ADAM12: variants seen among roughly 807,000 people sequenced by gnomAD.
ADAM12 encodes the protein disintegrin and metalloproteinase domain-containing protein 12.
In ADAM12, 70 loss-of-function variants were observed where a neutral mutation model predicts 106.4. That is an observed-to-expected ratio of 0.66 (90% confidence interval 0.54 to 0.80). ADAM12 has a LOEUF of 0.80. Ranked by LOEUF, ADAM12 falls within the 30% of genes least tolerant of loss-of-function variation. The pLI is 0.00. For missense variants in ADAM12, 1,010 were observed against 1,171.9 expected (o/e 0.86, Z 2.02); for synonymous variants, 420 against 433.5 (o/e 0.97, Z 0.39).
chr10:126,108,231 G>A (rs552901373), intron 8 of ADAM12, among the ~76,000 whole-genome samples: 114 of 152,312 alleles, frequency 7.5e-4, no homozygotes, highest in African/African-American at 1.6e-3. Flanking sequence ...TGTGGGATCC[G>A]TCATCGGGAG....
Position 126,193,227 on chromosome 10 carries a change from T to C in ADAM12, c.261-37922A>G, listed in dbSNP as rs184724067. ...TTGCAGTGAGCCGAGATTGTGCCAC[T>C]GAACTCCAGCCTAGGCGACAGAGCG... On this transcript the variant is annotated intron_variant, in intron 3 of 22. Transcript: ENST00000448723. 1.6e-3 allele frequency among the ~76,000 whole-genome samples: 196 copies of C among 120,420 alleles called. 5 individuals carry two copies. The South Asian group carries it at 0.03, about 19-fold the overall frequency. 79.0% of individuals were successfully genotyped at this position (120,420 alleles called of 152,430 possible).
chr10:126,210,862 G>A (rs1281042796), intron 3 of ADAM12, among the ~76,000 whole-genome samples: 1 of 152,234 alleles, frequency 6.6e-6, no homozygotes, highest in African/African-American at 2.4e-5. Flanking sequence ...GGAAATCATG[G>A]AAAGGTTACG....
At chr10:126,376,227 C>T (rs1564764557) in intron 1 of ADAM12, among the ~76,000 whole-genome samples, 1 of 152,048 alleles carries the variant, frequency 6.6e-6, no homozygotes, top group Non-Finnish European at 1.5e-5. Flanking sequence ...ATTGAGCAAA[C>T]ACCTACCTAT....
chr10:126,037,274 A>G (rs1954076831), intron 20 of ADAM12, among the ~76,000 whole-genome samples: 2 of 140,808 alleles, frequency 1.4e-5, no homozygotes, highest in African/African-American at 5.3e-5. Context: ...GCTCTCAAAA[A>G]TAAGGCTGTG....
chr10:126,121,117 A>ATAG, intron 5 of ADAM12, among the ~76,000 whole-genome samples: 1 of 69,672 alleles, frequency 1.4e-5, no homozygotes, highest in Non-Finnish European at 2.5e-5. Context: ...TATAGTATAT[A>ATAG]TATAGTATAT....
intron 4 of ADAM12, among the ~76,000 whole-genome samples, chr10:126,138,226 GC>G (rs1177697081): frequency 1.3e-5 from 2 of 152,036 alleles, no homozygotes; most frequent in Non-Finnish European, 2.9e-5. Context: ...TCAAATCCTT[GC>G]TTATTTGTAA....
intron 3 of ADAM12, among the ~76,000 whole-genome samples, chr10:126,200,904 C>T (rs977160621): frequency 1.2e-4 from 19 of 152,110 alleles, no homozygotes; most frequent in Middle Eastern, 3.2e-3. Flanking sequence ...AACAGAGATG[C>T]TGTAAGCAAA....
At chr10:126,056,318 G>T (rs1236302338) in intron 14 of ADAM12, among the ~76,000 whole-genome samples, 1 of 152,160 alleles carries the variant, frequency 6.6e-6, no homozygotes, top group Non-Finnish European at 1.5e-5. Flanking sequence ...AAAGAAAAGG[G>T]GCATTTGCAG....
At chr10:126,184,343 ATAAG>A (rs1565122473) in intron 3 of ADAM12, among the ~76,000 whole-genome samples, 1 of 152,222 alleles carries the variant, frequency 6.6e-6, no homozygotes, top group Non-Finnish European at 1.5e-5. Flanking sequence ...ATTATTTTTC[ATAAG>A]TAATAAAAGA....
chr10:126,261,528 C>T (rs1453330766), intron 3 of ADAM12, among the ~76,000 whole-genome samples: 1 of 152,150 alleles, frequency 6.6e-6, no homozygotes, highest in Non-Finnish European at 1.5e-5. Flanking sequence ...TCAATTCAGA[C>T]AAGCCTATCC....
chr10:126,184,580 A>G (rs1181442846), intron 3 of ADAM12, among the ~76,000 whole-genome samples: 1 of 152,190 alleles, frequency 6.6e-6, no homozygotes, highest in Non-Finnish European at 1.5e-5. Flanking sequence ...CATTTTCTAG[A>G]CTAGAATTAA....
At chr10:126,230,159 C>G (rs1288339154) in intron 3 of ADAM12, among the ~76,000 whole-genome samples, 1 of 152,168 alleles carries the variant, frequency 6.6e-6, no homozygotes, top group South Asian at 2.1e-4. Context: ...CTTCCAGCCC[C>G]CAAAGCACTC....
intron 3 of ADAM12, among the ~76,000 whole-genome samples, chr10:126,184,395 T>G (rs1008042469): frequency 1.7e-4 from 26 of 152,336 alleles, no homozygotes; most frequent in Non-Finnish European, 3.5e-4. Flanking sequence ...GAGTGTTACA[T>G]AAAAGTGACC....
At chr10:126,251,438 C>T (rs1958744673) in intron 3 of ADAM12, among the ~76,000 whole-genome samples, 3 of 47,390 alleles carry the variant, frequency 6.3e-5, no homozygotes, top group African/African-American at 1.6e-4. Context: ...AGAAACAGAA[C>T]CAATAGGATA....
intron 3 of ADAM12, among the ~76,000 whole-genome samples, chr10:126,211,321 T>C (rs904218883): frequency 1.2e-4 from 19 of 152,242 alleles, no homozygotes; most frequent in African/African-American, 4.6e-4. Context: ...GCAGGCGGCA[T>C]ACCCCACCCT....
intron 3 of ADAM12, among the ~76,000 whole-genome samples, chr10:126,274,296 G>A (rs979561587): frequency 6.6e-6 from 1 of 152,156 alleles, no homozygotes; most frequent in East Asian, 1.9e-4. Context: ...GGTTTTGGCT[G>A]TGCCCCACCC....
chr10:126,113,229 T>C (rs113597086), intron 6 of ADAM12, among the ~76,000 whole-genome samples: 20 of 152,230 alleles, frequency 1.3e-4, no homozygotes, highest in African/African-American at 4.6e-4. Context: ...ACAGGCCGTA[T>C]GGCTGGAGTC....
chr10:126,121,199 T>C (rs1490407478), intron 5 of ADAM12, among the ~76,000 whole-genome samples: 29 of 76,040 alleles, frequency 3.8e-4, no homozygotes, highest in South Asian at 1.1e-3. Context: ...ACTATATATA[T>C]ACTATATACT....
chr10:126,282,682 T>C (rs1959642432), intron 2 of ADAM12, among the ~76,000 whole-genome samples: 1 of 152,230 alleles, frequency 6.6e-6, no homozygotes, highest in Non-Finnish European at 1.5e-5. Flanking sequence ...AGTATTCTAT[T>C]GCACAAACAA....
Sources: allele counts gnomAD v4.1 joint callset (sites outside exome capture counted in the v4.1 genomes callset), GRCh38; gene constraint gnomAD v4.1.1; transcripts MANE v1.5; gene names NCBI Gene and HGNC (gene_info 2026-07-23, HGNC 2026-07-21).